PTPRD: variants seen among roughly 807,000 people sequenced by gnomAD.
PTPRD encodes the protein receptor-type tyrosine-protein phosphatase delta.
In PTPRD, 34 loss-of-function variants were observed where a neutral mutation model predicts 214.5. The observed-to-expected ratio is 0.16, with a 90% CI of 0.12 to 0.21. The LOEUF (loss-of-function observed/expected upper bound fraction) is 0.21, where lower values mean the gene tolerates loss of function less well. Among genes scored for constraint, PTPRD ranks in the 10% least tolerant of loss-of-function variants. The pLI is 1.00. For missense variants in PTPRD, 2,545 were observed against 2,398.7 expected (o/e 1.06, Z -1.27); for synonymous variants, 1,128 against 845.7 (o/e 1.33, Z -5.79).
intron 10 of PTPRD, among the ~76,000 whole-genome samples, chr9:9,155,850 C>G (rs376698662): frequency 6.6e-6 from 1 of 152,136 alleles, no homozygotes. Flanking sequence ...GTTCAGAACA[C>G]TCTAAAATTT....
At chr9:9,204,042 C>T (rs890089946) in intron 9 of PTPRD, among the ~76,000 whole-genome samples, 1 of 152,090 alleles carries the variant, frequency 6.6e-6, no homozygotes, top group African/African-American at 2.4e-5. Context: ...CCTGAGTGAT[C>T]CACTGCCTTT....
At chr9:9,327,354 T>C (rs913746757) in intron 9 of PTPRD, among the ~76,000 whole-genome samples, 9 of 152,220 alleles carry the variant, frequency 5.9e-5, no homozygotes, top group Admixed American at 5.9e-4. Context: ...CTTCCCATAG[T>C]GTCTAAAACA....
intron 3 of PTPRD, among the ~76,000 whole-genome samples, chr9:10,309,855 G>A (rs575063018): frequency 2.0e-4 from 30 of 152,160 alleles, no homozygotes; most frequent in African/African-American, 6.7e-4. Flanking sequence ...TGCAGGCTAC[G>A]CAGTATTTGA....
rs56131711 is a variant in PTPRD, at chr9:10,268,293, A to AAATAATAATAATAAT, written c.-545+72655_-545+72669dup. ...CAGCAGAGCAAGACTCTGTTGCTAT[A>AAATAATAATAATAAT]AATAATAATAATAATAATAATAATA... On this transcript the variant is annotated intron_variant, in intron 3 of 45. Transcript: ENST00000381196. 2.1e-3 allele frequency among the ~76,000 whole-genome samples: 302 copies of AAATAATAATAATAAT among 144,840 alleles called. 3 individuals carry two copies. Among genetic ancestry groups the AAATAATAATAATAAT allele is most frequent in the African/African-American group, 4.2e-3 (164 of 39,392 alleles).
At chr9:8,336,471 G>A (rs1473984469) in intron 43 of PTPRD, among the ~76,000 whole-genome samples, 1 of 37,268 alleles carries the variant, frequency 2.7e-5, no homozygotes, top group African/African-American at 6.3e-5. Flanking sequence ...TTAAACCTAA[G>A]ATGTAAAATG....
At chr9:8,434,251 G>A (rs2095246127) in intron 35 of PTPRD, among the ~76,000 whole-genome samples, 1 of 152,136 alleles carries the variant, frequency 6.6e-6, no homozygotes. Context: ...AAAATGCTGG[G>A]ATTACACAAG....
chr9:10,156,199 G>T (rs2099092353), intron 3 of PTPRD, among the ~76,000 whole-genome samples: 1 of 147,322 alleles, frequency 6.8e-6, no homozygotes, highest in South Asian at 2.2e-4. Context: ...TTTACTCTTG[G>T]TTCTCTAGCT....
chr9:10,062,724 G>T (rs181564433), intron 3 of PTPRD, among the ~76,000 whole-genome samples: 58 of 151,952 alleles, frequency 3.8e-4, no homozygotes, highest in Non-Finnish European at 6.5e-4. Flanking sequence ...TCTCTCTCTT[G>T]CCCATTTCAA....
At chr9:10,233,605 A>G (rs1408342626) in intron 3 of PTPRD, among the ~76,000 whole-genome samples, 3 of 151,976 alleles carry the variant, frequency 2.0e-5, no homozygotes, top group Non-Finnish European at 4.4e-5. Flanking sequence ...TTTTTTCATT[A>G]TATTTTACTT....
At chr9:8,923,308 C>T (rs929223389) in intron 11 of PTPRD, among the ~76,000 whole-genome samples, 4 of 151,850 alleles carry the variant, frequency 2.6e-5, no homozygotes, top group Non-Finnish European at 5.9e-5. Context: ...TCCCTAAGTG[C>T]TGGGATTACA....
intron 30 of PTPRD, among the ~76,000 whole-genome samples, chr9:8,472,850 T>G (rs896099024): frequency 2.6e-5 from 4 of 152,178 alleles, no homozygotes; most frequent in East Asian, 1.9e-4. Context: ...AATATGGCAC[T>G]TGGAGATATG....
At chr9:10,500,927 T>C (rs1168558828) in intron 2 of PTPRD, among the ~76,000 whole-genome samples, 1 of 151,890 alleles carries the variant, frequency 6.6e-6, no homozygotes, top group African/African-American at 2.4e-5. Context: ...GTTTTCTTTA[T>C]CCGTTCATCT....
intron 11 of PTPRD, among the ~76,000 whole-genome samples, chr9:8,846,897 G>A (rs1009965625): frequency 1.3e-5 from 2 of 152,162 alleles, no homozygotes; most frequent in African/African-American, 2.4e-5. Flanking sequence ...AAGGAATGAC[G>A]TGATCAGATT....
intron 5 of PTPRD, among the ~76,000 whole-genome samples, chr9:9,769,396 G>A (rs537442643): frequency 3.1e-4 from 37 of 120,786 alleles, no homozygotes; most frequent in Non-Finnish European, 4.4e-4. Flanking sequence ...TGCAATCTCC[G>A]CTCACTGCAA....
At chr9:9,202,716 G>A (rs914349867) in intron 9 of PTPRD, among the ~76,000 whole-genome samples, 3 of 152,200 alleles carry the variant, frequency 2.0e-5, no homozygotes, top group Non-Finnish European at 2.9e-5. Context: ...ATGATCTTCT[G>A]AACTGCTGCA....
At chr9:9,193,787 G>C (rs188382487) in intron 9 of PTPRD, among the ~76,000 whole-genome samples, 1 of 152,132 alleles carries the variant, frequency 6.6e-6, no homozygotes, top group Non-Finnish European at 1.5e-5. Flanking sequence ...ATGAGTGAAT[G>C]TGAAGGCCTA....
chr9:8,700,113 T>G (rs1403730463), intron 12 of PTPRD, among the ~76,000 whole-genome samples: 2 of 152,204 alleles, frequency 1.3e-5, no homozygotes, highest in African/African-American at 4.8e-5. Context: ...CCATTTCAAA[T>G]AGTTTGTATT....
At chr9:9,860,218 AT>A (rs1196703841) in intron 5 of PTPRD, among the ~76,000 whole-genome samples, 1 of 152,182 alleles carries the variant, frequency 6.6e-6, no homozygotes, top group African/African-American at 2.4e-5. Context: ...AGTGCCAATT[AT>A]TTTTTACTGT....
intron 2 of PTPRD, among the ~76,000 whole-genome samples, chr9:10,434,361 A>G (rs1226748348): frequency 6.6e-6 from 1 of 151,884 alleles, no homozygotes; most frequent in Non-Finnish European, 1.5e-5. Context: ...CAAAAATTCA[A>G]TGTTTCAGTT....
Sources: allele counts gnomAD v4.1 joint callset (sites outside exome capture counted in the v4.1 genomes callset), GRCh38; gene constraint gnomAD v4.1.1; transcripts MANE v1.5; gene names NCBI Gene and HGNC (gene_info 2026-07-23, HGNC 2026-07-21).